CELF2: variants seen among roughly 807,000 people sequenced by gnomAD.
CELF2 encodes the protein CUGBP Elav-like family member 2.
In CELF2, 8 loss-of-function variants were observed where a neutral mutation model predicts 62.6. That is an observed-to-expected ratio of 0.13 (90% CI 0.07 to 0.23). The LOEUF (loss-of-function observed/expected upper bound fraction) is 0.23. Among genes scored for constraint, CELF2 ranks in the 10% least tolerant of loss-of-function variants. The pLI is 1.00. For synonymous variants in CELF2, 258 were observed against 250.0 expected (o/e 1.03, Z -0.30); for missense variants, 333 against 671.0 (o/e 0.50, Z 5.56).
rs532898299 is a variant in CELF2, at chr10:11,051,642, A to G, written c.74+33479A>G. On this transcript the variant is annotated intron_variant, in intron 1 of 12. Transcript: ENST00000633077. ...ACTGCCTCCATGGAACTCCAATTTGAGAGGGAGACAGATGTTAATCAGATT... is the reference window on the plus strand; with the variant it reads ...ACTGCCTCCATGGAACTCCAATTTGGGAGGGAGACAGATGTTAATCAGATT... 4.6e-5 allele frequency among the ~76,000 whole-genome samples: 7 copies of G among 152,320 alleles called. No homozygotes were observed. In the East Asian group the frequency reaches 1.3e-3, roughly 29 times the overall value.
At chr10:10,979,416 A>G (rs777859018) in intron 2 of CELF2, among the ~76,000 whole-genome samples, 4 of 152,222 alleles carry the variant, frequency 2.6e-5, no homozygotes, top group Non-Finnish European at 5.9e-5. Flanking sequence ...CACGCCTGTA[A>G]TCCCAGCACT....
Position 11,329,310 on chromosome 10 carries a change from G to C in CELF2, c.*257G>C, listed in dbSNP as rs561410336. ...GCCACTGTATTCTCCTTTGTTTTGC[G>C]ATTTGAATCTCCTTTTACCTTTTTT... On this transcript the variant is annotated 3_prime_UTR_variant, in exon 13 of 13. Transcript: ENST00000633077. This position sits in a 1 kb window ranked among gnomAD's most constrained non-coding sequence, Gnocchi z 5.5. The C allele has an allele frequency of 5.8e-4, 168 of 289,910 alleles. No homozygotes were observed. Among genetic ancestry groups the C allele is most frequent in the African/African-American group, 3.5e-3 (162 of 45,780 alleles). 18.0% of individuals were successfully genotyped at this position (289,910 alleles called of 1,614,324 possible). A position where few individuals can be genotyped will look rare whatever the true frequency, so the allele number is the denominator to read the frequency against.
the CELF2 span, among the ~76,000 whole-genome samples, chr10:10,547,692 AGTGTGTGTGTGTGTGT>A: frequency 2.2e-5 from 3 of 138,112 alleles, no homozygotes; most frequent in South Asian, 2.5e-4. Context: ...AGAGAGAGAG[AGTGTGTGTGTGTGTGT>A]GTGTGTGTGT....
At chr10:10,536,117 T>A in the CELF2 span, among the ~76,000 whole-genome samples, 1 of 151,700 alleles carries the variant, frequency 6.6e-6, no homozygotes, top group Non-Finnish European at 1.5e-5. Flanking sequence ...CCTCCCGAGT[T>A]CAAGCGATTC....
the CELF2 span, among the ~76,000 whole-genome samples, chr10:10,700,249 C>A: frequency 6.6e-6 from 1 of 152,192 alleles, no homozygotes; most frequent in African/African-American, 2.4e-5. Flanking sequence ...TGATCAGGAA[C>A]ATGAGCAGCC....
chr10:10,597,155 A>C, the CELF2 span, among the ~76,000 whole-genome samples: 1 of 152,358 alleles, frequency 6.6e-6, no homozygotes, highest in South Asian at 2.1e-4. Flanking sequence ...AAGTGTGTTC[A>C]TCAGGGATAG....
chr10:10,568,905 C>T, the CELF2 span, among the ~76,000 whole-genome samples: 5 of 152,124 alleles, frequency 3.3e-5, no homozygotes, highest in African/African-American at 7.2e-5. Context: ...CTGAACTACA[C>T]TCAATTTAAA....
At chr10:10,810,135 T>C (rs1031950923) in intron 1 of CELF2, among the ~76,000 whole-genome samples, 9 of 152,232 alleles carry the variant, frequency 5.9e-5, no homozygotes, top group African/African-American at 1.9e-4. Flanking sequence ...CTTACATACA[T>C]GCATAAACAC....
intron 1 of CELF2, among the ~76,000 whole-genome samples, chr10:11,083,461 C>G (rs993541162): frequency 1.3e-5 from 2 of 152,176 alleles, no homozygotes; most frequent in Non-Finnish European, 2.9e-5. Flanking sequence ...GTATCTATTT[C>G]TGTCACGGAG....
intron 3 of CELF2, among the ~76,000 whole-genome samples, chr10:11,229,831 C>T (rs948972522): frequency 6.6e-6 from 1 of 152,140 alleles, no homozygotes; most frequent in Non-Finnish European, 1.5e-5. Context: ...CTCAAGTGAT[C>T]CACCCACCTC....
chr10:11,218,540 G>C (rs1255405329), intron 3 of CELF2, among the ~76,000 whole-genome samples: 1 of 152,174 alleles, frequency 6.6e-6, no homozygotes, highest in African/African-American at 2.4e-5. Context: ...GATCGTAGTG[G>C]CAAAAAGCTC....
At chr10:10,693,904 T>C in the CELF2 span, among the ~76,000 whole-genome samples, 1 of 152,056 alleles carries the variant, frequency 6.6e-6, no homozygotes, top group Admixed American at 6.5e-5. Flanking sequence ...TTCTCTCTTT[T>C]TTTCTTTATT....
chr10:10,846,754 CATCTGA>C (rs1469752951), intron 1 of CELF2, among the ~76,000 whole-genome samples: 3 of 152,204 alleles, frequency 2.0e-5, no homozygotes, highest in Admixed American at 2.0e-4. Flanking sequence ...GAGTGCAGCA[CATCTGA>C]ATCTTGAAAT....
intron 2 of CELF2, among the ~76,000 whole-genome samples, chr10:10,933,447 C>T (rs2066303966): frequency 6.6e-6 from 1 of 152,096 alleles, no homozygotes; most frequent in Non-Finnish European, 1.5e-5. Context: ...GTTGTGAGAG[C>T]ATTTAAAATT....
chr10:10,587,258 T>C, the CELF2 span, among the ~76,000 whole-genome samples: 2 of 152,196 alleles, frequency 1.3e-5, no homozygotes, highest in Non-Finnish European at 2.9e-5. Context: ...AAAAATTACA[T>C]GCAACAAAAT....
the CELF2 span, among the ~76,000 whole-genome samples, chr10:10,689,968 T>G: frequency 6.6e-6 from 1 of 152,176 alleles, no homozygotes; most frequent in Non-Finnish European, 1.5e-5. Context: ...ATGCAGAGAC[T>G]CCAGTGGCAG....
chr10:10,496,440 T>C, the CELF2 span, among the ~76,000 whole-genome samples: 11 of 152,194 alleles, frequency 7.2e-5, no homozygotes, highest in Non-Finnish European at 1.5e-4. Context: ...AGTCTTCTGA[T>C]TGCTTTTAAA....
rs185533836 is a variant in CELF2, at chr10:11,145,159, G to A, written c.75-20327G>A. Among the ~76,000 whole-genome samples the A allele has an allele frequency of 7.2e-5, 11 of 152,294 alleles. No homozygotes were observed. The highest frequency in any genetic ancestry group is 2.6e-4 in the African/African-American group (11 of 41,572). ...CAAGTCCCACATTCTGGAAGCAAAT[G>A]TTATATTTACCATAATCCATGAAAG... On this transcript the variant is annotated intron_variant, in intron 1 of 12. Transcript: ENST00000633077. The surrounding 1 kb of genome is among the most constrained non-coding windows in gnomAD (Gnocchi z 4.3).
intron 1 of CELF2, among the ~76,000 whole-genome samples, chr10:10,900,415 CAATTTATAT>C (rs2062854559): frequency 6.6e-6 from 1 of 152,148 alleles, no homozygotes; most frequent in African/African-American, 2.4e-5. Flanking sequence ...ATTCAAAAAT[CAATTTATAT>C]AATTTATCAC....
Sources: allele counts gnomAD v4.1 joint callset (sites outside exome capture counted in the v4.1 genomes callset), GRCh38; gene constraint gnomAD v4.1.1; non-coding constraint Gnocchi (gnomAD v3.1); transcripts MANE v1.5; gene names NCBI Gene and HGNC (gene_info 2026-07-23, HGNC 2026-07-21).